The following LOXL2 variants were observed in gnomAD, a reference collection of about 807,000 sequenced individuals.
The protein encoded by LOXL2 is lysyl oxidase like 2, also known as lysyl oxidase homolog 2.
In LOXL2, 70 loss-of-function variants were observed where a neutral mutation model predicts 93.0. That is an observed-to-expected ratio of 0.75 (90% CI 0.62 to 0.92). The LOEUF is 0.92. LOXL2 is among the 40% of genes least tolerant of loss of function. The pLI, the probability that LOXL2 is intolerant of heterozygous loss-of-function variation, is 0.00. For missense variants in LOXL2, 973 were observed against 1,054.9 expected, an observed-to-expected ratio of 0.92 and a Z score of 1.08; for synonymous variants, 438 against 413.2, an observed-to-expected ratio of 1.06 and a Z score of -0.73.
At chr8:23,328,234 G>T in intron 6 of LOXL2, 148 bp downstream of exon 6, 1 of 780,432 alleles carries the variant, frequency 1.3e-6, no homozygotes, top group Non-Finnish European at 2.1e-6. Flanking sequence ...CTCTGTCTAG[G>T]GAGAGGCCTG....
intron 11 of LOXL2, among the ~76,000 whole-genome samples, chr8:23,302,454 CGT>C (rs1294693015): frequency 6.6e-6 from 1 of 152,056 alleles, no homozygotes; most frequent in African/African-American, 2.4e-5. Flanking sequence ...GGGATAACTG[CGT>C]GTGTGTGGAC....
chr8:23,352,650 TA>T (rs1268967741), intron 3 of LOXL2, among the ~76,000 whole-genome samples: 1 of 151,894 alleles, frequency 6.6e-6, no homozygotes, highest in African/African-American at 2.4e-5. Flanking sequence ...CCAAGGCATT[TA>T]AAAAATTCAC....
chr8:23,388,312 T>G (rs190850435), intron 1 of LOXL2, among the ~76,000 whole-genome samples: 71 of 152,290 alleles, frequency 4.7e-4, no homozygotes, highest in African/African-American at 1.7e-3. Flanking sequence ...GGCTGGGTGC[T>G]CATGCCTGTA....
Position 23,387,995 on chromosome 8 carries a change from CT to C in LOXL2, c.-84+15958del, listed in dbSNP as rs543674147. Reference sequence around the variant, plus strand: ...TTTTTTAAGGAAAAATATGAAACATCTTTTCAGGCCTGTTGTAAAAATCAAA... The same window carrying C: ...TTTTTTAAGGAAAAATATGAAACATCTTTCAGGCCTGTTGTAAAAATCAAA... On this transcript the variant is annotated intron_variant, in intron 1 of 13. Coordinates refer to ENST00000389131, the MANE Select transcript of LOXL2 (RefSeq NM_002318.3). 5.3e-3 allele frequency among the ~76,000 whole-genome samples: 810 copies of C among 152,252 alleles called. 6 individuals carry two copies. Among genetic ancestry groups the C allele is most frequent in the African/African-American group, 0.018 (754 of 41,554 alleles).
chr8:23,367,927 T>C (rs900329084), intron 2 of LOXL2, 70 bp downstream of exon 2: 31 of 1,288,108 alleles, frequency 2.4e-5, no homozygotes, highest in Non-Finnish European at 3.3e-5. Flanking sequence ...TCTCCCAGGC[T>C]GACCTCAGGG....
At chr8:23,402,985 T>G (rs1800171497) in intron 1 of LOXL2, among the ~76,000 whole-genome samples, 1 of 151,942 alleles carries the variant, frequency 6.6e-6, no homozygotes, top group African/African-American at 2.4e-5. Context: ...CGCCCCGCAC[T>G]CCGGCTGTTT....
At chr8:23,393,120 A>G (rs1220310874) in intron 1 of LOXL2, among the ~76,000 whole-genome samples, 1 of 152,254 alleles carries the variant, frequency 6.6e-6, no homozygotes, top group Admixed American at 6.5e-5. Context: ...AATGGTTAAG[A>G]TGAGAATACT....
At chr8:23,320,309 C>T (rs1354153938) in intron 7 of LOXL2, among the ~76,000 whole-genome samples, 4 of 152,196 alleles carry the variant, frequency 2.6e-5, no homozygotes, top group Non-Finnish European at 5.9e-5. Context: ...AGAAGCTGAC[C>T]CTGCTCCCCA....
chr8:23,313,174 A>G (rs984002650), intron 9 of LOXL2, among the ~76,000 whole-genome samples: 9 of 152,216 alleles, frequency 5.9e-5, no homozygotes, highest in African/African-American at 2.2e-4. Flanking sequence ...AGAACATTCC[A>G]TGCTCATGGA....
At chr8:23,385,721 C>A in intron 1 of LOXL2, 1 of 565,358 alleles carries the variant, frequency 1.8e-6, no homozygotes, top group Non-Finnish European at 3.2e-6. Flanking sequence ...TAATGAGAGC[C>A]ACATATGAAA....
At chr8:23,367,949 G>A (rs749097418) in intron 2 of LOXL2, 48 bp downstream of exon 2, 33 of 1,511,736 alleles carry the variant, frequency 2.2e-5, no homozygotes, top group Admixed American at 5.2e-5. Flanking sequence ...AGGCCACTCC[G>A]GGCCTTGCCA....
intron 2 of LOXL2, chr8:23,363,056 A>G (rs1328784354): frequency 2.0e-5 from 3 of 152,244 alleles, no homozygotes; most frequent in Non-Finnish European, 2.9e-5. Context: ...ACAGGTTGCC[A>G]TGGAGACTCA....
At position 23,368,045 on chromosome 8, in the gene LOXL2, C is replaced by G; in HGVS notation, c.307G>C (p.Val103Leu). The change falls in exon 2 of 14, where the codon GTG becomes CTG. Residue 103 changes from valine (V) to leucine (L), a missense_variant. Transcript: ENST00000389131. Reference protein sequence around the residue: ...AHVVCRELGYVEAKSWTASSS... With the variant: ...AHVVCRELGYLEAKSWTASSS... ...CTGGCAGTCCAGGACTTGGCCTCCA[C>G]GTAGCCCAGCTCCCGGCAGACGACG... 6.2e-7 allele frequency: 1 copy of G among 1,613,928 alleles called. No homozygotes were observed. Among genetic ancestry groups the G allele is most frequent in the South Asian group, 1.1e-5 (1 of 91,084 alleles).
rs749744310 is a variant in LOXL2, at chr8:23,317,091, A to G, written c.1494T>C (p.Asp498=). Residue 498 remains aspartate (D), a synonymous_variant, in exon 9 of 14, where the codon GAT becomes GAC. Transcript: ENST00000389131. ...TCATGACCACTTTGTTGCTGTTGAC[A>G]TCTCCGTGCCAATACCAGGTCTCCT... The part of the protein sequence containing the change: ...AFQETWYWHG[D]VNSNKVVMSG... 3 of 1,614,174 alleles carry G rather than the reference A, an allele frequency of 1.9e-6. No individual in the cohort carries two copies. The highest frequency in any genetic ancestry group is 1.1e-5 in the South Asian group (1 of 91,080).
intron 10 of LOXL2, among the ~76,000 whole-genome samples, chr8:23,307,251 C>T (rs1803243841): frequency 6.6e-6 from 1 of 152,216 alleles, no homozygotes; most frequent in Non-Finnish European, 1.5e-5. Context: ...GTTCCTCCCA[C>T]AGCACCTGGA....
intron 1 of LOXL2, among the ~76,000 whole-genome samples, chr8:23,369,179 G>A (rs945333558): frequency 6.6e-6 from 1 of 152,156 alleles, no homozygotes; most frequent in African/African-American, 2.4e-5. Flanking sequence ...ACATTTGCTA[G>A]ATGAATTATA....
chr8:23,325,310 GAGAC>G (rs1803561633), intron 6 of LOXL2, among the ~76,000 whole-genome samples: 1 of 151,900 alleles, frequency 6.6e-6, no homozygotes, highest in Admixed American at 6.6e-5. Context: ...TTCTTTTTGA[GAGAC>G]AGAGTCTCGC....
intron 4 of LOXL2, among the ~76,000 whole-genome samples, chr8:23,338,991 G>A (rs929933831): frequency 2.0e-5 from 3 of 152,180 alleles, no homozygotes; most frequent in Non-Finnish European, 4.4e-5. Flanking sequence ...CCTCTTCCAT[G>A]TTCTCTTCCA....
intron 3 of LOXL2, among the ~76,000 whole-genome samples, chr8:23,355,756 C>T (rs1804187383): frequency 6.6e-6 from 1 of 151,520 alleles, no homozygotes; most frequent in Non-Finnish European, 1.5e-5. Flanking sequence ...ACCACAGGCA[C>T]ATGCCACCAT....
Sources: gnomAD v4.1 joint callset for allele counts (sites outside exome capture counted in the v4.1 genomes callset) on GRCh38, gnomAD v4.1.1 for gene constraint, MANE v1.5 for transcripts, NCBI Gene and HGNC (gene_info 2026-07-23, HGNC 2026-07-21) for gene names.